The following TXNRD1 variants were observed in gnomAD, a reference collection of about 807,000 sequenced individuals.
TXNRD1 encodes thioredoxin reductase 1, also known as thioredoxin reductase 1, cytoplasmic.
In TXNRD1, 57 loss-of-function variants were observed where a neutral mutation model predicts 80.3. That is an observed-to-expected ratio of 0.71 (90% CI 0.57 to 0.89). The LOEUF (loss-of-function observed/expected upper bound fraction) is 0.89, where lower values mean the gene tolerates loss of function less well. TXNRD1 is among the 40% of genes least tolerant of loss of function. TXNRD1 has a pLI of 0.00. For synonymous variants in TXNRD1, 291 were observed against 285.2 expected (o/e 1.02, Z -0.20); for missense variants, 730 against 803.0 (o/e 0.91, Z 1.10).
At chr12:104,286,656 G>C (rs1324030855) in intron 3 of TXNRD1, 1 of 905,346 alleles carries the variant, frequency 1.1e-6, no homozygotes, top group East Asian at 1.2e-4. Flanking sequence ...ATGTCTAGGG[G>C]TGGGAGCCAG....
At chr12:104,308,501 A>C (rs2035013111) in intron 4 of TXNRD1, among the ~76,000 whole-genome samples, 1 of 152,084 alleles carries the variant, frequency 6.6e-6, no homozygotes, top group South Asian at 2.1e-4. Flanking sequence ...ACATTTAATA[A>C]ATATATTATT....
chr12:104,241,208 T>G (rs1398199622), intron 1 of TXNRD1, among the ~76,000 whole-genome samples: 2 of 150,554 alleles, frequency 1.3e-5, no homozygotes, highest in Non-Finnish European at 3.0e-5. Flanking sequence ...CCTGGCTAAT[T>G]TTTGTATTTT....
chr12:104,296,171 T>A (rs535866862), intron 4 of TXNRD1, among the ~76,000 whole-genome samples: 3 of 152,340 alleles, frequency 2.0e-5, no homozygotes, highest in East Asian at 3.9e-4. Context: ...GGCCTTATGT[T>A]ATTGCTATTG....
intron 1 of TXNRD1, chr12:104,224,806 A>C (rs1364318926): frequency 2.2e-6 from 1 of 456,186 alleles, no homozygotes; most frequent in Non-Finnish European, 4.4e-6. Context: ...CCACTGTTTG[A>C]TCAACCCAGG....
At chr12:104,249,935 CAAAA>C (rs59924751) in intron 1 of TXNRD1, among the ~76,000 whole-genome samples, 13 of 102,502 alleles carry the variant, frequency 1.3e-4, no homozygotes, top group African/African-American at 4.5e-4. Context: ...GACGCCGTCT[CAAAA>C]AAAAAAAAAA....
chr12:104,345,870 C>G, intron 16 of TXNRD1: 1 of 901,434 alleles, frequency 1.1e-6, no homozygotes, highest in Non-Finnish European at 1.5e-6. Flanking sequence ...GGAAAGCCTC[C>G]AGCAGCTCCT....
At chr12:104,251,210 T>C (rs558347753) in intron 1 of TXNRD1, among the ~76,000 whole-genome samples, 78 of 152,330 alleles carry the variant, frequency 5.1e-4, no homozygotes, top group African/African-American at 1.8e-3. Flanking sequence ...TGGCATAAAA[T>C]GTGGCCTCAG....
At chr12:104,308,905 T>C (rs1333526125) in intron 4 of TXNRD1, among the ~76,000 whole-genome samples, 1 of 150,742 alleles carries the variant, frequency 6.6e-6, no homozygotes, top group African/African-American at 2.4e-5. Flanking sequence ...TTTCTTTTTT[T>C]TTTTTTTTTT....
intron 2 of TXNRD1, among the ~76,000 whole-genome samples, chr12:104,256,458 G>T (rs2033250314): frequency 6.6e-6 from 1 of 152,132 alleles, no homozygotes; most frequent in African/African-American, 2.4e-5. Context: ...TTCAGACTGG[G>T]GCTTAGGTGA....
chr12:104,281,053 C>G (rs923917834), intron 3 of TXNRD1, among the ~76,000 whole-genome samples: 3 of 152,132 alleles, frequency 2.0e-5, no homozygotes, highest in Non-Finnish European at 2.9e-5. Context: ...CTTAGTCAAC[C>G]TCTCCATTTG....
intron 14 of TXNRD1, among the ~76,000 whole-genome samples, chr12:104,333,699 A>C (rs543761070): frequency 6.6e-6 from 1 of 151,862 alleles, no homozygotes; most frequent in South Asian, 2.1e-4. Flanking sequence ...CTGTCGTTCC[A>C]CCCTTCCTTC....
chr12:104,245,517 CAAAAAAA>C (rs10622971), intron 1 of TXNRD1, among the ~76,000 whole-genome samples: 388 of 29,256 alleles, frequency 0.013, 4 homozygotes, highest in African/African-American at 0.036. Context: ...AACTCCATCT[CAAAAAAA>C]AAAAAAAAAA....
chr12:104,264,592 A>G (rs1263404853), intron 3 of TXNRD1, among the ~76,000 whole-genome samples: 3 of 152,204 alleles, frequency 2.0e-5, no homozygotes. Context: ...AGAGATAGCC[A>G]CTATTAATAT....
At chr12:104,238,769 A>G (rs1452093962) in intron 1 of TXNRD1, among the ~76,000 whole-genome samples, 1 of 152,070 alleles carries the variant, frequency 6.6e-6, no homozygotes, top group East Asian at 1.9e-4. Flanking sequence ...AAATTTTTAT[A>G]TATTGCTGGA....
intron 4 of TXNRD1, among the ~76,000 whole-genome samples, chr12:104,311,017 T>C (rs956345561): frequency 1.3e-5 from 2 of 152,220 alleles, no homozygotes; most frequent in African/African-American, 2.4e-5. Flanking sequence ...TAAACCTGAT[T>C]TAGACCTAAG....
At chr12:104,270,875 G>A (rs1593733724) in intron 3 of TXNRD1, among the ~76,000 whole-genome samples, 1 of 152,262 alleles carries the variant, frequency 6.6e-6, no homozygotes, top group African/African-American at 2.4e-5. Flanking sequence ...CTAGCCGGGT[G>A]TGGTGGCTCA....
At chr12:104,303,714 G>A (rs1211984534) in intron 4 of TXNRD1, 1 of 718,884 alleles carries the variant, frequency 1.4e-6, no homozygotes, top group Non-Finnish European at 2.1e-6. Flanking sequence ...GGGGCGGGTC[G>A]CGCCGGGCCG....
chr12:104,261,299 G>A (rs1032488055), intron 3 of TXNRD1, among the ~76,000 whole-genome samples: 2 of 152,058 alleles, frequency 1.3e-5, no homozygotes, highest in African/African-American at 4.8e-5. Context: ...GAGTAGCTGG[G>A]ATCACAGGCA....
intron 1 of TXNRD1, among the ~76,000 whole-genome samples, chr12:104,234,422 G>GTAGC (rs1463256025): frequency 6.6e-6 from 1 of 151,998 alleles, no homozygotes; most frequent in Non-Finnish European, 1.5e-5. Flanking sequence ...AGCCTCCCAA[G>GTAGC]TAGCTGAGAC....
Sources: allele counts gnomAD v4.1 joint callset (sites outside exome capture counted in the v4.1 genomes callset), GRCh38; gene constraint gnomAD v4.1.1; transcripts MANE v1.5; gene names NCBI Gene and HGNC (gene_info 2026-07-23, HGNC 2026-07-21).